Variants in FKTN observed in about 807,000 individuals in gnomAD.
The protein encoded by FKTN is ribitol-5-phosphate transferase FKTN.
Under a neutral mutation model 58.6 loss-of-function variants are expected in FKTN, and 47 were observed. The observed-to-expected ratio is 0.80, with a 90% CI of 0.63 to 1.02. The LOEUF (loss-of-function observed/expected upper bound fraction) is 1.02, where lower values mean the gene tolerates loss of function less well. Ranked by LOEUF, FKTN falls within the 50% of genes least tolerant of loss-of-function variation. FKTN has a pLI of 0.00. For missense variants in FKTN, 516 were observed against 537.3 expected (o/e 0.96, Z 0.39); for synonymous variants, 178 against 191.9 (o/e 0.93, Z 0.60).
chr9:105,577,126 C>T (rs1439275078), intron 3 of FKTN, among the ~76,000 whole-genome samples: 1 of 146,448 alleles, frequency 6.8e-6, no homozygotes, highest in African/African-American at 2.6e-5. Context: ...GTTGCCTGTT[C>T]ACTCTGATGG....
In FKTN at chr9:105,575,586, G is replaced by A. The variant is rs180898608; in HGVS notation, c.105+449G>A. ...GAAATCAATAGCTTCTGAAGATTCC[G>A]TAGAATATACCAGATAAGGAATTCC... On this transcript the variant is annotated intron_variant, in intron 3 of 10. Transcript: ENST00000357998. 3.3e-5 allele frequency among the ~76,000 whole-genome samples: 5 copies of A among 152,154 alleles called. No homozygotes were observed. In the East Asian group the frequency reaches 5.8e-4, roughly 18 times the overall value.
intron 1 of FKTN, among the ~76,000 whole-genome samples, chr9:105,563,123 C>G (rs1345835027): frequency 6.6e-6 from 1 of 152,148 alleles, no homozygotes; most frequent in Non-Finnish European, 1.5e-5. Context: ...CTAATACCTT[C>G]AAAGGACAAA....
At chr9:105,574,908 GT>G (rs1841393965) in intron 2 of FKTN, 36 bp from the exon 3 acceptor site, 4 of 691,242 alleles carry the variant, frequency 5.8e-6, no homozygotes, top group African/African-American at 1.8e-5. Flanking sequence ...AATTAAAGAG[GT>G]TTTTGTTTCT....
intron 10 of FKTN, among the ~76,000 whole-genome samples, chr9:105,621,287 G>C (rs1001685135): frequency 1.3e-5 from 2 of 152,076 alleles, no homozygotes; most frequent in African/African-American, 4.8e-5. Context: ...TGGCTGAGTA[G>C]AGTAGTTTCT....
chr9:105,634,896 G>C (rs967077456), intron 10 of FKTN, among the ~76,000 whole-genome samples, 155 bp from the exon 11 acceptor site: 5 of 152,174 alleles, frequency 3.3e-5, no homozygotes, highest in African/African-American at 9.7e-5. Flanking sequence ...AGAGGAAAGG[G>C]ATTCTGGACA....
chr9:105,565,798 C>A (rs1022970690), intron 1 of FKTN, among the ~76,000 whole-genome samples: 1 of 152,146 alleles, frequency 6.6e-6, no homozygotes, highest in Non-Finnish European at 1.5e-5. Context: ...AGCAAGTGGA[C>A]CTAATAGACA....
chr9:105,574,639 G>A (rs924762984), intron 2 of FKTN, among the ~76,000 whole-genome samples: 3 of 152,070 alleles, frequency 2.0e-5, no homozygotes, highest in African/African-American at 7.2e-5. Flanking sequence ...TGAAAATTCT[G>A]AGGTCTCATA....
At position 105,631,580 on chromosome 9, in the gene FKTN, A is replaced by C. The variant is rs1255515383; in HGVS notation, c.1173-3471A>C. Among the ~76,000 whole-genome samples, 3 of 152,144 alleles carry C rather than the reference A, an allele frequency of 2.0e-5. No individual in the cohort carries two copies. The East Asian group carries it at 5.8e-4, about 29-fold the overall frequency. On this transcript the variant is annotated intron_variant, in intron 10 of 10. Transcript: ENST00000357998. ...TCAAACAAATTTACAAGAAAAAAAC[A>C]AACAACCCCATCAAAAAGTGGGTGA...
intron 1 of FKTN, among the ~76,000 whole-genome samples, chr9:105,568,452 A>G (rs554362733): frequency 6.6e-6 from 1 of 152,358 alleles, no homozygotes; most frequent in Non-Finnish European, 1.5e-5. Flanking sequence ...ACAAGAAAAA[A>G]ACAACCCCAT....
intron 8 of FKTN, 117 bp from the exon 9 acceptor site, chr9:105,617,842 G>A: frequency 1.5e-6 from 1 of 689,646 alleles, no homozygotes; most frequent in Non-Finnish European, 2.4e-6. Flanking sequence ...GCAATATAGT[G>A]AGACTCTGTC....
chr9:105,587,644 C>T (rs914252406), intron 3 of FKTN, among the ~76,000 whole-genome samples: 1 of 152,166 alleles, frequency 6.6e-6, no homozygotes, highest in African/African-American at 2.4e-5. Flanking sequence ...TTCTATCACC[C>T]TCTCACTCCT....
At chr9:105,625,704 C>G (rs1039037556) in intron 10 of FKTN, among the ~76,000 whole-genome samples, 7 of 151,954 alleles carry the variant, frequency 4.6e-5, no homozygotes, top group African/African-American at 1.7e-4. Context: ...AATCTTAGAG[C>G]TAGAGAAAAA....
rs111422562 is a variant in FKTN, at chr9:105,560,912, C to T, written c.-181+2747C>T. ...GACCATCCTGGCCAGCCTGATGAAACCCTGTCTCTACTGAAAATACAAAAA... is the reference window on the plus strand; with the variant it reads ...GACCATCCTGGCCAGCCTGATGAAATCCTGTCTCTACTGAAAATACAAAAA... On this transcript the variant is annotated intron_variant, in intron 1 of 10. Coordinates refer to ENST00000357998, the MANE Select transcript of FKTN (RefSeq NM_001079802.2). Among the ~76,000 whole-genome samples, 389 of 152,164 alleles carry T rather than the reference C, an allele frequency of 2.6e-3. 2 individuals are homozygous for T. The highest frequency in any genetic ancestry group is 4.3e-3 in the Non-Finnish European group (295 of 68,012).
rs369621971 is a variant in FKTN at position 105,577,668 on chromosome 9, C to A, written c.105+2531C>A. Reference sequence around the variant, plus strand: ...GCGATGCGGGCTCTTTTTTGGTTCCCTATGAACTTTAAAGTAGTTTTTTCG... The same window carrying A: ...GCGATGCGGGCTCTTTTTTGGTTCCATATGAACTTTAAAGTAGTTTTTTCG... On this transcript the variant is annotated intron_variant, in intron 3 of 10. Transcript: ENST00000357998. Among the ~76,000 whole-genome samples the A allele has an allele frequency of 9.6e-3, 1,425 of 148,188 alleles. 22 individuals carry two copies. The highest frequency in any genetic ancestry group is 0.02 in the African/African-American group (771 of 38,010).
Position 105,638,807 on chromosome 9 carries a change from T to C in FKTN, c.*3543T>C, listed in dbSNP as rs994285575. On this transcript the variant is annotated 3_prime_UTR_variant, in exon 11 of 11. Transcript: ENST00000357998. Reference sequence around the variant, plus strand: ...AATGCAGGTAGTTAAGAATAGATTGTACTCATTCCTTTTTGAGTTTGTGAC... The same window carrying C: ...AATGCAGGTAGTTAAGAATAGATTGCACTCATTCCTTTTTGAGTTTGTGAC... The C allele has an allele frequency of 2.0e-6, 2 of 984,134 alleles. No individual in the cohort carries two copies. Among genetic ancestry groups the C allele is most frequent in the Non-Finnish European group, 2.4e-6 (2 of 828,746 alleles). The allele number at this position is 984,134 out of a possible 1,614,324, so 61.0% of individuals were successfully genotyped here.
chr9:105,561,695 G>T (rs192760291), intron 1 of FKTN, among the ~76,000 whole-genome samples: 1 of 152,314 alleles, frequency 6.6e-6, no homozygotes, highest in Admixed American at 6.5e-5. Context: ...GCATGTGTAG[G>T]TAGAAGTTAT....
At chr9:105,626,565 A>G (rs988519742) in intron 10 of FKTN, among the ~76,000 whole-genome samples, 6 of 152,226 alleles carry the variant, frequency 3.9e-5, no homozygotes, top group Non-Finnish European at 8.8e-5. Context: ...AGACATAAAC[A>G]TTCAAACCAC....
chr9:105,584,823 T>A (rs890987476), intron 3 of FKTN, among the ~76,000 whole-genome samples: 15 of 147,236 alleles, frequency 1.0e-4, no homozygotes, highest in East Asian at 5.9e-4. Flanking sequence ...TGTCTTAAAA[T>A]TTTTTTTTTT....
rs1412407847 is a variant in FKTN at position 105,576,737 on chromosome 9, C to G, written c.105+1600C>G. On this transcript the variant is annotated intron_variant, in intron 3 of 10. Coordinates refer to ENST00000357998, the MANE Select transcript of FKTN (RefSeq NM_001079802.2). ...TTCTAGTTCTAGATCCCTGAGGAAT[C>G]GCCACACTGACTTCCACAATGGTTG... 2.2e-4 allele frequency among the ~76,000 whole-genome samples: 18 copies of G among 82,108 alleles called. 1 individual carries two copies. The highest frequency in any genetic ancestry group is 8.7e-4 in the South Asian group (2 of 2,308). 53.9% of individuals were successfully genotyped at this position (82,108 alleles called of 152,430 possible). A position where few individuals can be genotyped will look rare whatever the true frequency, so the allele number is the denominator to read the frequency against.
Sources: gnomAD v4.1 joint callset for allele counts (sites outside exome capture counted in the v4.1 genomes callset) on GRCh38, gnomAD v4.1.1 for gene constraint, MANE v1.5 for transcripts, NCBI Gene and HGNC (gene_info 2026-07-23, HGNC 2026-07-21) for gene names.